The following PPP6R2 variants were observed in gnomAD, a reference collection of about 807,000 sequenced individuals.
The protein encoded by PPP6R2 is protein phosphatase 6 regulatory subunit 2.
PPP6R2 carries 62 observed loss-of-function variants against 100.2 expected under a neutral mutation model. That is an observed-to-expected ratio of 0.62 (90% CI 0.50 to 0.76). The LOEUF (loss-of-function observed/expected upper bound fraction) is 0.76, where lower values mean the gene tolerates loss of function less well. Ranked by LOEUF, PPP6R2 falls within the 30% of genes least tolerant of loss-of-function variation. The pLI, the probability that PPP6R2 is intolerant of heterozygous loss-of-function variation, is 0.00. For synonymous variants in PPP6R2, 525 were observed against 514.7 expected (o/e 1.02, Z -0.27); for missense variants, 1,142 against 1,276.3 (o/e 0.89, Z 1.60).
At chr22:50,415,129 G>C (rs1022674207) in intron 5 of PPP6R2, among the ~76,000 whole-genome samples, 1 of 152,254 alleles carries the variant, frequency 6.6e-6, no homozygotes, top group African/African-American at 2.4e-5. Flanking sequence ...GGATGCGTCT[G>C]TTCTGATGGT....
intron 14 of PPP6R2, among the ~76,000 whole-genome samples, 161 bp from the exon 15 acceptor site, chr22:50,436,827 C>G (rs577856990): frequency 6.6e-6 from 1 of 152,324 alleles, no homozygotes; most frequent in Admixed American, 6.5e-5. Flanking sequence ...ACCTAGGCAC[C>G]TCCTTACACA....
chr22:50,432,262 C>CA lies in PPP6R2; in HGVS notation c.1336-2dup. The stretch of plus-strand genomic sequence containing the variant: ...CACGCTGTCCCCCTGCCCCGCCCCC[C>CA]AGCTGTTCCAGAAGTGCTGCCTGGT... On this transcript the variant is annotated splice_polypyrimidine_tract_variant and splice_region_variant and intron_variant, in intron 11 of 23. Transcript: ENST00000612753. 6.5e-7 allele frequency: 1 copy of CA among 1,549,862 alleles called. No individual in the cohort carries two copies.
intron 3 of PPP6R2, among the ~76,000 whole-genome samples, chr22:50,406,166 G>A (rs1213510533): frequency 7.6e-6 from 1 of 131,698 alleles, no homozygotes; most frequent in Admixed American, 7.7e-5. Context: ...GGAGAGAGGC[G>A]AGAGGCCTGG....
At chr22:50,337,205 T>G in the PPP6R2 span, among the ~76,000 whole-genome samples, 1 of 88,992 alleles carries the variant, frequency 1.1e-5, no homozygotes, top group African/African-American at 6.7e-5. Flanking sequence ...GCTGTGTGGG[T>G]ATAGTGTGTG....
intron 1 of PPP6R2, among the ~76,000 whole-genome samples, chr22:50,346,560 G>C (rs2043782510): frequency 8.6e-6 from 1 of 116,024 alleles, no homozygotes; most frequent in Non-Finnish European, 1.7e-5. Flanking sequence ...ACCAGTCAGT[G>C]CTTCCTGCAC....
chr22:50,403,253 T>C (rs866445665), intron 3 of PPP6R2, among the ~76,000 whole-genome samples: 2 of 152,330 alleles, frequency 1.3e-5, no homozygotes, highest in Middle Eastern at 6.8e-3. Flanking sequence ...GAGACACTTC[T>C]TCAAGGAATG....
chr22:50,418,997 G>A lies in PPP6R2; in HGVS notation c.731+18G>A, dbSNP rs751216802. 23 of 1,581,534 alleles carry A rather than the reference G, an allele frequency of 1.5e-5. No individual in the cohort carries two copies. The highest frequency in any genetic ancestry group is 5.5e-5 in the South Asian group (5 of 90,408). ...CTGGAGTCGTGAGTGCTGGTGGGCC[G>A]TGGTGCTGGTGGGCCTCCCTTTCTG... On this transcript the variant is annotated intron_variant, in intron 7 of 23. Transcript: ENST00000612753.
the PPP6R2 span, among the ~76,000 whole-genome samples, chr22:50,333,532 C>G: frequency 6.6e-6 from 1 of 152,086 alleles, no homozygotes; most frequent in Non-Finnish European, 1.5e-5. Flanking sequence ...ACAGGTTTCA[C>G]CGTGTTAGCC....
At chr22:50,413,215 G>A (rs967253296) in intron 4 of PPP6R2, among the ~76,000 whole-genome samples, 1 of 152,082 alleles carries the variant, frequency 6.6e-6, no homozygotes, top group East Asian at 1.9e-4. Flanking sequence ...CACCCACCTC[G>A]GCCTCCCAAA....
At chr22:50,401,505 C>CT in intron 3 of PPP6R2, among the ~76,000 whole-genome samples, 1 of 139,492 alleles carries the variant, frequency 7.2e-6, no homozygotes, top group Non-Finnish European at 1.5e-5. Context: ...CGCGCCAGGC[C>CT]AATTTTTTTT....
chr22:50,408,968 G>C (rs538755778), intron 4 of PPP6R2, among the ~76,000 whole-genome samples: 4 of 152,184 alleles, frequency 2.6e-5, no homozygotes, highest in Non-Finnish European at 5.9e-5. Context: ...TACAAAATTA[G>C]CCGGGCGTGG....
chr22:50,332,628 T>C, the PPP6R2 span, among the ~76,000 whole-genome samples: 4 of 138,694 alleles, frequency 2.9e-5, no homozygotes, highest in Admixed American at 2.2e-4. Context: ...TTTAAATCCT[T>C]TTTTTTTTTT....
chr22:50,359,034 C>T (rs995310828), intron 1 of PPP6R2, among the ~76,000 whole-genome samples: 1 of 127,740 alleles, frequency 7.8e-6, no homozygotes, highest in African/African-American at 2.8e-5. Context: ...GGAGTCTCAC[C>T]CTATTGCCAG....
At chr22:50,387,687 G>A (rs73439393) in intron 2 of PPP6R2, among the ~76,000 whole-genome samples, 2 of 152,160 alleles carry the variant, frequency 1.3e-5, no homozygotes, top group Non-Finnish European at 2.9e-5. Context: ...CTCCCACCAC[G>A]TTGGAGTTGA....
chr22:50,347,631 T>C (rs1445223200), intron 1 of PPP6R2, among the ~76,000 whole-genome samples: 1 of 152,138 alleles, frequency 6.6e-6, no homozygotes, highest in Non-Finnish European at 1.5e-5. Context: ...CCCTGACCTG[T>C]CAGCACCAGC....
chr22:50,431,229 C>T lies in PPP6R2; in HGVS notation c.1182C>T (p.Cys394=), dbSNP rs2063086981. The change falls in exon 11 of 24, where the codon TGC becomes TGT. Residue 394 remains cysteine, a synonymous_variant. Transcript: ENST00000612753. This position sits in a 1 kb window ranked among gnomAD's most constrained non-coding sequence, Gnocchi z 4.8. ...NNFLHFQVEL[C]IAAILSHAAR... ...TTTTGCACTTCCAAGTGGAACTATG[C>T]ATAGCCGCTATTCTCTCCCACGCTG... 1.9e-6 allele frequency: 3 copies of T among 1,613,796 alleles called. No individual in the cohort carries two copies. Among genetic ancestry groups the T allele is most frequent in the Non-Finnish European group, 1.7e-6 (2 of 1,179,996 alleles).
upstream of PPP6R2, among the ~76,000 whole-genome samples, chr22:50,339,828 AGT>A (rs1388483249): frequency 6.3e-5 from 1 of 15,964 alleles, no homozygotes; most frequent in Non-Finnish European, 1.0e-4. Context: ...TGGGGTATGT[AGT>A]GTGTGTGGTG....
rs1255014905 is a variant in PPP6R2 at position 50,440,839 on chromosome 22, T to A, written c.2392T>A (p.Cys798Ser). 1 of 1,613,610 alleles carries A rather than the reference T, an allele frequency of 6.2e-7. No homozygotes were observed. The highest frequency in any genetic ancestry group is 1.7e-5 in the Admixed American group (1 of 60,020). Residue 798 changes from cysteine to serine, a missense_variant, in exon 22 of 24, where the codon TGT (cysteine) becomes AGT (serine). Cys to Ser is a moderately radical substitution (Grantham distance 112, BLOSUM62 -1). Transcript: ENST00000612753. ...PEKAFSPASPCAWNVCVTRKA... is the reference protein window; with the variant it reads ...PEKAFSPASPSAWNVCVTRKA... ...CTTTGCAGTCAGCCCGGCTTCTCCA[T>A]GTGCCTGGAACGTGTGTGTCACCAG...
At chr22:50,398,166 CTTTTTT>C (rs1203401826) in intron 3 of PPP6R2, among the ~76,000 whole-genome samples, 1 of 131,228 alleles carries the variant, frequency 7.6e-6, no homozygotes. Context: ...GACTCCATCT[CTTTTTT>C]TTTTTTTTTT....
Sources: gnomAD v4.1 joint callset for allele counts (sites outside exome capture counted in the v4.1 genomes callset) on GRCh38, gnomAD v4.1.1 for gene constraint, Gnocchi (gnomAD v3.1) non-coding constraint, MANE v1.5 for transcripts, NCBI Gene and HGNC (gene_info 2026-07-23, HGNC 2026-07-21) for gene names.